CTNNA3: variants seen among roughly 807,000 people sequenced by gnomAD.
CTNNA3 encodes catenin alpha-3.
CTNNA3 carries 76 observed loss-of-function variants against 95.7 expected under a neutral mutation model. That is an observed-to-expected ratio of 0.79 (90% confidence interval 0.66 to 0.96). The LOEUF (loss-of-function observed/expected upper bound fraction) is 0.96. Ranked by LOEUF, CTNNA3 falls within the 40% of genes least tolerant of loss-of-function variation. The pLI is 0.00. For missense variants in CTNNA3, 1,191 were observed against 1,089.8 expected, an observed-to-expected ratio of 1.09 and a Z score of -1.31; for synonymous variants, 431 against 374.4, an observed-to-expected ratio of 1.15 and a Z score of -1.74.
intron 5 of CTNNA3, among the ~76,000 whole-genome samples, chr10:67,286,363 AGTTCAAATC>A (rs1564536020): frequency 6.6e-6 from 1 of 152,234 alleles, no homozygotes; most frequent in Non-Finnish European, 1.5e-5. Context: ...TGGAGCTCTT[AGTTCAAATC>A]CCAGTTCTGT....
At chr10:66,225,189 T>C (rs1025365325) in intron 13 of CTNNA3, among the ~76,000 whole-genome samples, 1 of 151,828 alleles carries the variant, frequency 6.6e-6, no homozygotes, top group East Asian at 1.9e-4. Context: ...AACGTCTCTA[T>C]CCTTTCCTCC....
At chr10:66,662,101 A>G (rs74993775) in intron 9 of CTNNA3, among the ~76,000 whole-genome samples, 6,505 of 152,274 alleles carry the variant, frequency 0.043, 232 homozygotes, top group Non-Finnish European at 0.061. Context: ...ACATATGCTT[A>G]AAAACGAATT....
At chr10:67,235,390 C>G (rs887740111) in intron 5 of CTNNA3, among the ~76,000 whole-genome samples, 2 of 152,080 alleles carry the variant, frequency 1.3e-5, no homozygotes, top group African/African-American at 4.8e-5. Context: ...CTTTGACAAA[C>G]CTGAGAAAAA....
chr10:66,396,880 C>T (rs1291145697), intron 11 of CTNNA3, among the ~76,000 whole-genome samples: 2 of 151,758 alleles, frequency 1.3e-5, no homozygotes, highest in African/African-American at 4.8e-5. Context: ...TGCAAACTAA[C>T]CATTGGTAAA....
intron 11 of CTNNA3, among the ~76,000 whole-genome samples, chr10:66,473,342 G>A (rs1199376545): frequency 6.6e-6 from 1 of 151,778 alleles, no homozygotes; most frequent in Non-Finnish European, 1.5e-5. Flanking sequence ...TTTTATAAGA[G>A]GTTCTTCCTG....
chr10:66,991,582 G>A (rs1429319891), intron 7 of CTNNA3, among the ~76,000 whole-genome samples: 2 of 151,926 alleles, frequency 1.3e-5, no homozygotes, highest in Non-Finnish European at 2.9e-5. Context: ...ATGGAGTTTC[G>A]CTCTTGTTGC....
chr10:66,713,607 G>T (rs1848361912), intron 9 of CTNNA3, among the ~76,000 whole-genome samples: 1 of 151,982 alleles, frequency 6.6e-6, no homozygotes, highest in Admixed American at 6.6e-5. Context: ...AAACTGTTCT[G>T]GCATCTTCCA....
chr10:66,393,477 T>C (rs2092949940), intron 11 of CTNNA3, among the ~76,000 whole-genome samples: 1 of 152,134 alleles, frequency 6.6e-6, no homozygotes, highest in African/African-American at 2.4e-5. Context: ...AAATAAGCAC[T>C]GTTCAGCTTC....
intron 5 of CTNNA3, among the ~76,000 whole-genome samples, chr10:67,404,171 C>G (rs1845042794): frequency 6.6e-6 from 1 of 150,406 alleles, no homozygotes. Context: ...CAACACCTCT[C>G]CAGCAGGGAT....
At chr10:66,510,390 T>C (rs1341109821) in intron 11 of CTNNA3, among the ~76,000 whole-genome samples, 1 of 151,970 alleles carries the variant, frequency 6.6e-6, no homozygotes, top group Non-Finnish European at 1.5e-5. Flanking sequence ...TTTCTTACTT[T>C]CTTTTTCCTA....
intron 2 of CTNNA3, among the ~76,000 whole-genome samples, chr10:67,634,357 A>G (rs890422538): frequency 2.6e-5 from 4 of 152,234 alleles, no homozygotes; most frequent in Non-Finnish European, 4.4e-5. Context: ...AAAAAGCATT[A>G]TCAGCCACTA....
At chr10:66,665,575 AAGTC>A (rs1264517743) in intron 9 of CTNNA3, among the ~76,000 whole-genome samples, 1 of 152,142 alleles carries the variant, frequency 6.6e-6, no homozygotes, top group Non-Finnish European at 1.5e-5. Flanking sequence ...GAGTCTGAAA[AAGTC>A]AATTGATGGA....
chr10:67,521,260 T>G (rs1387341770), intron 5 of CTNNA3, among the ~76,000 whole-genome samples: 1 of 152,098 alleles, frequency 6.6e-6, no homozygotes, highest in African/African-American at 2.4e-5. Flanking sequence ...ACAAACCCTA[T>G]AAAAGTTTAT....
chr10:66,883,572 C>T (rs1844925968), intron 7 of CTNNA3, among the ~76,000 whole-genome samples: 1 of 152,138 alleles, frequency 6.6e-6, no homozygotes, highest in Non-Finnish European at 1.5e-5. Flanking sequence ...CTCTGCATTA[C>T]ATCCTGCAAG....
intron 10 of CTNNA3, among the ~76,000 whole-genome samples, chr10:66,529,329 A>AC (rs1356172747): frequency 1.3e-5 from 2 of 151,806 alleles, no homozygotes; most frequent in Non-Finnish European, 1.5e-5. Context: ...ATGGGGTTTC[A>AC]CCATGTTGGG....
Position 67,332,132 on chromosome 10 carries a change from G to A in CTNNA3, c.580-112262C>T, listed in dbSNP as rs148630143. 9.7e-4 allele frequency among the ~76,000 whole-genome samples: 148 copies of A among 152,284 alleles called. 1 individual carries two copies. The highest frequency in any genetic ancestry group is 3.4e-3 in the African/African-American group (143 of 41,560). ...GAAAAGTGCATTAGTCTAATGAGAT[G>A]TAGACAAAATATTTAAAATTGGCTC... On this transcript the variant is annotated intron_variant, in intron 5 of 17. Coordinates refer to ENST00000433211, the MANE Select transcript of CTNNA3 (RefSeq NM_013266.4).
At chr10:66,711,347 TA>T (rs1328811332) in intron 9 of CTNNA3, among the ~76,000 whole-genome samples, 18 of 151,820 alleles carry the variant, frequency 1.2e-4, no homozygotes, top group Admixed American at 1.1e-3. Context: ...TCAGAAATTT[TA>T]ATTGAAACAT....
chr10:67,352,613 C>T (rs1842675226), intron 5 of CTNNA3, among the ~76,000 whole-genome samples: 1 of 151,948 alleles, frequency 6.6e-6, no homozygotes, highest in Non-Finnish European at 1.5e-5. Flanking sequence ...ATGAATGTTC[C>T]ATTTTTCCTG....
At chr10:66,142,831 G>A (rs1006926889) in intron 13 of CTNNA3, among the ~76,000 whole-genome samples, 5 of 152,122 alleles carry the variant, frequency 3.3e-5, no homozygotes, top group African/African-American at 7.2e-5. Flanking sequence ...TAGGAAAAGA[G>A]CAGAGTATAA....
Sources: allele counts gnomAD v4.1 joint callset (sites outside exome capture counted in the v4.1 genomes callset), GRCh38; gene constraint gnomAD v4.1.1; transcripts MANE v1.5; gene names NCBI Gene and HGNC (gene_info 2026-07-23, HGNC 2026-07-21).